RNF144A: variants seen among roughly 807,000 people sequenced by gnomAD.
The protein encoded by RNF144A is E3 ubiquitin-protein ligase RNF144A.
Under a neutral mutation model 38.7 loss-of-function variants are expected in RNF144A, and 11 were observed. The ratio of observed to expected loss-of-function variants is 0.28; its 90% confidence interval spans 0.18 to 0.47. The LOEUF (loss-of-function observed/expected upper bound fraction) is 0.47, where lower values mean the gene tolerates loss of function less well. RNF144A is among the 20% of genes least tolerant of loss of function. The probability of loss-of-function intolerance (pLI) is 0.99; values close to 1 mark genes in which losing one functional copy is unlikely to be tolerated. For synonymous variants in RNF144A, 149 were observed against 143.9 expected (o/e 1.04, Z -0.25); for missense variants, 316 against 377.2 (o/e 0.84, Z 1.34).
At chr2:6,966,106 A>G (rs1667651582) in intron 2 of RNF144A, among the ~76,000 whole-genome samples, 1 of 152,246 alleles carries the variant, frequency 6.6e-6, no homozygotes, top group African/African-American at 2.4e-5. Flanking sequence ...GGTGGTTTAA[A>G]TAGACTGTGT....
chr2:6,983,717 T>C (rs1363649237), intron 2 of RNF144A, among the ~76,000 whole-genome samples: 1 of 152,050 alleles, frequency 6.6e-6, no homozygotes, highest in Non-Finnish European at 1.5e-5. Flanking sequence ...GTCTACCTTA[T>C]AGCAAAGGAG....
chr2:7,073,645 C>G, the RNF144A span, among the ~76,000 whole-genome samples: 1 of 152,232 alleles, frequency 6.6e-6, no homozygotes, highest in Non-Finnish European at 1.5e-5. Flanking sequence ...GTTGTTATTT[C>G]AGTGAAAAGT....
At chr2:7,045,800 G>T (rs1267311032), downstream of RNF144A, among the ~76,000 whole-genome samples, 2 of 152,148 alleles carry the variant, frequency 1.3e-5, no homozygotes, top group Non-Finnish European at 2.9e-5. Context: ...AGGTGGCGGG[G>T]CTCCGTTGCC....
At position 7,043,104 on chromosome 2, in the gene RNF144A, G is replaced by A; in HGVS notation, c.*3344G>A. 1.3e-6 allele frequency: 1 copy of A among 795,932 alleles called. No homozygotes were observed. The highest frequency in any genetic ancestry group is 1.5e-6 in the Non-Finnish European group (1 of 657,360). The allele number at this position is 795,932 out of a possible 1,614,324, so 49.3% of individuals were successfully genotyped here. Reference sequence around the variant, plus strand: ...GCTACTCTCAAACTCCTGACCTCAGGTGATCTGCCCACCTCGGCTTCCCAA... The same window carrying A: ...GCTACTCTCAAACTCCTGACCTCAGATGATCTGCCCACCTCGGCTTCCCAA... On this transcript the variant is annotated 3_prime_UTR_variant, in exon 9 of 9. Transcript: ENST00000320892.
chr2:7,036,563 C>T (rs1672692011), intron 8 of RNF144A, among the ~76,000 whole-genome samples: 1 of 152,208 alleles, frequency 6.6e-6, no homozygotes, highest in South Asian at 2.1e-4. Flanking sequence ...CTTGTACTTA[C>T]ACCAGGATGC....
chr2:6,996,116 C>T (rs1028260690), intron 2 of RNF144A, among the ~76,000 whole-genome samples: 9 of 152,154 alleles, frequency 5.9e-5, no homozygotes, highest in Non-Finnish European at 8.8e-5. Flanking sequence ...AAAGATGCTA[C>T]GACATTTCTT....
intron 8 of RNF144A, among the ~76,000 whole-genome samples, chr2:7,031,873 A>T (rs531589634): frequency 6.6e-6 from 1 of 152,386 alleles, no homozygotes; most frequent in Admixed American, 6.5e-5. Flanking sequence ...CTGGCGGCAC[A>T]GAAGCTGCCA....
chr2:6,963,791 G>T (rs1027695254), intron 2 of RNF144A, among the ~76,000 whole-genome samples: 1 of 152,156 alleles, frequency 6.6e-6, no homozygotes, highest in East Asian at 1.9e-4. Context: ...AGCTGGGGAC[G>T]TCAAAAATGA....
intron 3 of RNF144A, among the ~76,000 whole-genome samples, chr2:7,001,310 A>G (rs556045044): frequency 3.3e-5 from 5 of 151,772 alleles, no homozygotes; most frequent in African/African-American, 1.2e-4. Context: ...CAATAAATAA[A>G]TAAACAAACA....
In RNF144A at chr2:7,019,330, G is replaced by A. The variant is rs137912546; in HGVS notation, c.302-1143G>A. On this transcript the variant is annotated intron_variant, in intron 5 of 8. Transcript: ENST00000320892. ...CTTCCTGCTGGTCCCGTGGCAATGCGTGTAGGTGAAGTCCCGGTCCACGTG... is the reference window on the plus strand; with the variant it reads ...CTTCCTGCTGGTCCCGTGGCAATGCATGTAGGTGAAGTCCCGGTCCACGTG... Among the ~76,000 whole-genome samples the A allele has an allele frequency of 2.6e-3, 390 of 152,360 alleles. 3 individuals carry two copies. The highest frequency in any genetic ancestry group is 8.4e-3 in the African/African-American group (349 of 41,582).
chr2:6,972,892 A>G (rs2103349804), intron 2 of RNF144A, among the ~76,000 whole-genome samples: 1 of 152,320 alleles, frequency 6.6e-6, no homozygotes, highest in Middle Eastern at 3.4e-3. Flanking sequence ...AGTTATAATA[A>G]TGGTAGACAC....
chr2:6,946,433 G>C (rs76918193), intron 2 of RNF144A, among the ~76,000 whole-genome samples: 12,290 of 151,724 alleles, frequency 0.081, 558 homozygotes, highest in East Asian at 0.099. Context: ...TATGAGTTGT[G>C]TTTCATAATT....
rs184427392 is a variant in RNF144A, at chr2:7,035,709, G to T, written c.748-3920G>T. ...CTTCTCCCCAGTTCTTCCTCCTTTAGATGTGAAGCTCAGTAAGATTATTCT... is the reference window on the plus strand; with the variant it reads ...CTTCTCCCCAGTTCTTCCTCCTTTATATGTGAAGCTCAGTAAGATTATTCT... On this transcript the variant is annotated intron_variant, in intron 8 of 8. Transcript: ENST00000320892. Among the ~76,000 whole-genome samples, 197 of 152,294 alleles carry T rather than the reference G, an allele frequency of 1.3e-3. 2 individuals are homozygous for T. The highest frequency in any genetic ancestry group is 4.4e-4 in the Non-Finnish European group (30 of 68,010).
At chr2:6,982,729 T>C (rs1189946217) in intron 2 of RNF144A, among the ~76,000 whole-genome samples, 3 of 152,192 alleles carry the variant, frequency 2.0e-5, no homozygotes, top group Admixed American at 6.5e-5. Flanking sequence ...ACTTCATGGA[T>C]CCTGGGCCAG....
chr2:6,955,328 G>A (rs1020619437), intron 2 of RNF144A, among the ~76,000 whole-genome samples: 5 of 152,064 alleles, frequency 3.3e-5, no homozygotes, highest in Non-Finnish European at 7.3e-5. Context: ...TAAGTTTAGC[G>A]CCCCTGTGAC....
intron 1 of RNF144A, among the ~76,000 whole-genome samples, chr2:6,930,784 G>T (rs1340092861): frequency 1.3e-4 from 20 of 151,942 alleles, no homozygotes; most frequent in Non-Finnish European, 7.4e-5. Context: ...TGTAGAGGGG[G>T]GGATTTGCCA....
the RNF144A span, among the ~76,000 whole-genome samples, chr2:7,073,404 G>T: frequency 2.1e-5 from 3 of 141,738 alleles, no homozygotes; most frequent in East Asian, 7.5e-4. Context: ...AGGCCAACAT[G>T]AGGTCAGAAC....
At chr2:7,073,062 A>G (rs914558289), downstream of RNF144A, among the ~76,000 whole-genome samples, 1 of 152,124 alleles carries the variant, frequency 6.6e-6, no homozygotes. Flanking sequence ...TCACCTGTCT[A>G]TGATCCACCC....
chr2:7,032,841 C>T (rs929702813), intron 8 of RNF144A, among the ~76,000 whole-genome samples: 1 of 152,220 alleles, frequency 6.6e-6, no homozygotes, highest in Non-Finnish European at 1.5e-5. Flanking sequence ...CAGGATTCAA[C>T]CCATAACAAC....
Sources: allele counts gnomAD v4.1 joint callset (sites outside exome capture counted in the v4.1 genomes callset), GRCh38; gene constraint gnomAD v4.1.1; transcripts MANE v1.5; gene names NCBI Gene and HGNC (gene_info 2026-07-23, HGNC 2026-07-21).